Variants in TEX2 observed in about 807,000 individuals in gnomAD.
TEX2 encodes the protein testis-expressed protein 2.
In TEX2, 53 loss-of-function variants were observed where a neutral mutation model predicts 106.9. The ratio of observed to expected loss-of-function variants is 0.50; its 90% CI spans 0.40 to 0.62. The LOEUF is 0.62. TEX2 is among the 20% of genes least tolerant of loss of function. TEX2 has a pLI of 0.00. For synonymous variants in TEX2, 523 were observed against 534.8 expected (o/e 0.98, Z 0.30); for missense variants, 1,207 against 1,379.0 (o/e 0.88, Z 1.98).
chr17:64,247,766 C>T (rs1362582458), intron 1 of TEX2, among the ~76,000 whole-genome samples: 2 of 152,112 alleles, frequency 1.3e-5, no homozygotes, highest in East Asian at 3.9e-4. Context: ...CAGTTGCGGG[C>T]TTTTTGAAAG....
intron 1 of TEX2, among the ~76,000 whole-genome samples, chr17:64,246,981 A>C (rs782320297): frequency 4.6e-5 from 7 of 152,190 alleles, no homozygotes; most frequent in African/African-American, 1.2e-4. Context: ...AAAATAAAGA[A>C]GGCGGCAGCT....
chr17:64,218,568 G>A (rs567869377), intron 1 of TEX2, among the ~76,000 whole-genome samples: 81 of 152,008 alleles, frequency 5.3e-4, no homozygotes, highest in Middle Eastern at 3.4e-3. Context: ...ACAGACGCCC[G>A]CCACCACACC....
At chr17:64,203,558 G>A (rs1462882128) in intron 2 of TEX2, among the ~76,000 whole-genome samples, 1 of 152,162 alleles carries the variant, frequency 6.6e-6, no homozygotes, top group African/African-American at 2.4e-5. Flanking sequence ...CATAGATCAT[G>A]GAGTTTGAGA....
chr17:64,157,788 T>C (rs1375373242), intron 8 of TEX2, among the ~76,000 whole-genome samples: 3 of 152,148 alleles, frequency 2.0e-5, no homozygotes, highest in Non-Finnish European at 4.4e-5. Flanking sequence ...TGGGGGCAGA[T>C]GGGTAGTTTG....
chr17:64,221,053 G>C (rs1181985714), intron 1 of TEX2, among the ~76,000 whole-genome samples: 1 of 152,156 alleles, frequency 6.6e-6, no homozygotes, highest in African/African-American at 2.4e-5. Context: ...CCTTTCCAGG[G>C]ACATGGATGG....
chr17:64,199,594 A>ATAC (rs2032592500), intron 2 of TEX2, among the ~76,000 whole-genome samples: 3 of 152,212 alleles, frequency 2.0e-5, no homozygotes, highest in Non-Finnish European at 4.4e-5. Context: ...AAGCAGGTAA[A>ATAC]ATTAATTTAA....
chr17:64,169,393 G>C (rs2031293612), intron 7 of TEX2, among the ~76,000 whole-genome samples: 1 of 152,172 alleles, frequency 6.6e-6, no homozygotes, highest in Non-Finnish European at 1.5e-5. Context: ...TCAGCCATTT[G>C]CCAAGAATTG....
At chr17:64,237,941 C>T (rs185507015) in intron 1 of TEX2, among the ~76,000 whole-genome samples, 5 of 152,222 alleles carry the variant, frequency 3.3e-5, no homozygotes, top group African/African-American at 4.8e-5. Context: ...TGTTGAATGA[C>T]GAAGTATTTT....
chr17:64,227,738 T>C (rs190999568), intron 1 of TEX2, among the ~76,000 whole-genome samples: 35 of 152,338 alleles, frequency 2.3e-4, no homozygotes, highest in African/African-American at 8.4e-4. Context: ...GGTAGCAGTC[T>C]GGCCCTCTGG....
rs148989883 is a variant in TEX2 at position 64,186,446 on chromosome 17, C to G, written c.2424+1722G>C. On this transcript the variant is annotated intron_variant, in intron 5 of 11. Coordinates refer to ENST00000584379, the MANE Select transcript of TEX2 (RefSeq NM_001288732.2). Reference sequence around the variant, plus strand: ...AACAGATCAGGTGAGTGACCTCTTCCACACTGAAGAGGATCAACGGATCAA... The same window carrying G: ...AACAGATCAGGTGAGTGACCTCTTCGACACTGAAGAGGATCAACGGATCAA... Among the ~76,000 whole-genome samples the G allele has an allele frequency of 2.4e-3, 373 of 152,316 alleles. 1 individual carries two copies. The highest frequency in any genetic ancestry group is 8.7e-3 in the African/African-American group (362 of 41,570).
intron 4 of TEX2, among the ~76,000 whole-genome samples, chr17:64,190,196 T>C (rs2032243441): frequency 6.6e-6 from 1 of 152,196 alleles, no homozygotes; most frequent in South Asian, 2.1e-4. Flanking sequence ...TTTGTAACTT[T>C]TATTATCCTT....
At chr17:64,256,091 T>C (rs1330219526) in intron 1 of TEX2, 2 of 152,210 alleles carry the variant, frequency 1.3e-5, no homozygotes, top group Admixed American at 6.6e-5. Context: ...TAATCTACCT[T>C]AGAATGCCTC....
chr17:64,176,387 AAAT>A (rs1598142473), intron 6 of TEX2, among the ~76,000 whole-genome samples: 1 of 152,170 alleles, frequency 6.6e-6, no homozygotes, highest in South Asian at 2.1e-4. Context: ...GAACTTTCTG[AAAT>A]AATGGGCAAA....
At chr17:64,190,702 A>G (rs537150243) in intron 4 of TEX2, among the ~76,000 whole-genome samples, 1 of 152,340 alleles carries the variant, frequency 6.6e-6, no homozygotes, top group African/African-American at 2.4e-5. Flanking sequence ...TGCTGTCTCC[A>G]GATTCTTATT....
intron 2 of TEX2, among the ~76,000 whole-genome samples, chr17:64,210,503 AT>A (rs1169139619): frequency 3.3e-5 from 5 of 151,950 alleles, no homozygotes; most frequent in South Asian, 2.1e-4. Context: ...TGATCAAAAA[AT>A]TTTTTTTCTT....
chr17:64,188,414 C>A lies in TEX2; in HGVS notation c.2178G>T (p.Gly726=), dbSNP rs1442163210. The A allele has an allele frequency of 1.2e-6, 2 of 1,614,098 alleles. No individual in the cohort carries two copies. Among genetic ancestry groups the A allele is most frequent in the East Asian group, 2.2e-5 (1 of 44,888 alleles). ...KSSGVSGGKP[G]LLPAHSRHNS... is the part of the protein sequence containing the mutation. ...TGTGTCTGCTGTGTGCAGGCAAAAGCCCTGGAGCCAAGAAGACGGGGGCTA... is the reference window on the plus strand; with the variant it reads ...TGTGTCTGCTGTGTGCAGGCAAAAGACCTGGAGCCAAGAAGACGGGGGCTA... The change falls in exon 5 of 12, where the codon GGG becomes GGT. Residue 726 remains glycine, a splice_region_variant and synonymous_variant. Coordinates refer to ENST00000584379, the MANE Select transcript of TEX2 (RefSeq NM_001288732.2).
At chr17:64,179,958 G>A (rs1006138748) in intron 5 of TEX2, among the ~76,000 whole-genome samples, 3 of 152,144 alleles carry the variant, frequency 2.0e-5, no homozygotes, top group Admixed American at 6.5e-5. Context: ...AGTCTGCAGC[G>A]GTGAATGCTT....
At chr17:64,210,411 T>C (rs117215221) in intron 2 of TEX2, among the ~76,000 whole-genome samples, 1 of 152,308 alleles carries the variant, frequency 6.6e-6, no homozygotes, top group Non-Finnish European at 1.5e-5. Flanking sequence ...GTGATGCATA[T>C]CTTCATATAT....
chr17:64,154,863 T>C lies in TEX2; in HGVS notation c.2909A>G (p.Gln970Arg), dbSNP rs1002539870. ...TCACCCTTCAGCCCCTGGGAGGAGC[T>C]GTTTGTCTCCCCCGCTGGGCTCTGG... is the stretch of plus-strand genomic sequence containing the variant. ...DAPEPSGGDK[Q>R]LLPGAEGYVG... The change falls in exon 9 of 12, where the codon CAG becomes CGG. Residue 970 changes from glutamine to arginine, a missense_variant. Physicochemically the swap from Gln to Arg is conservative, Grantham distance 43. Coordinates refer to ENST00000584379, the MANE Select transcript of TEX2 (RefSeq NM_001288732.2). 8.1e-6 allele frequency: 13 copies of C among 1,607,436 alleles called. No homozygotes were observed. Among genetic ancestry groups the C allele is most frequent in the African/African-American group, 1.3e-5 (1 of 74,562 alleles).
Sources: gnomAD v4.1 joint callset for allele counts (sites outside exome capture counted in the v4.1 genomes callset) on GRCh38, gnomAD v4.1.1 for gene constraint, MANE v1.5 for transcripts, NCBI Gene and HGNC (gene_info 2026-07-23, HGNC 2026-07-21) for gene names.